Variants in PTPRS observed in about 807,000 individuals in gnomAD.
PTPRS encodes receptor-type tyrosine-protein phosphatase S.
A neutral mutation model predicts 215.3 loss-of-function variants in PTPRS; 63 were observed. The observed-to-expected ratio is 0.29, with a 90% confidence interval of 0.24 to 0.36. The LOEUF (loss-of-function observed/expected upper bound fraction) is 0.36. Among genes scored for constraint, PTPRS ranks in the 10% least tolerant of loss-of-function variants. The probability of loss-of-function intolerance (pLI) is 1.00; values close to 1 mark genes in which losing one functional copy is unlikely to be tolerated. For synonymous variants in PTPRS, 1,404 were observed against 1,191.4 expected (o/e 1.18, Z -3.68); for missense variants, 2,258 against 2,825.8 (o/e 0.80, Z 4.56).
chr19:5,239,024 C>T lies in PTPRS; in HGVS notation c.1744G>A (p.Glu582Lys). The T allele has an allele frequency of 1.2e-6, 2 of 1,613,584 alleles. No homozygotes were observed. Among genetic ancestry groups the T allele is most frequent in the Non-Finnish European group, 1.7e-6 (2 of 1,179,842 alleles). The change falls in exon 13 of 38, where the codon GAG (glutamate) becomes AAG (lysine). Residue 582 changes from glutamate (E) to lysine (K), a missense_variant. Coordinates refer to ENST00000262963, the MANE Select transcript of PTPRS (RefSeq NM_002850.4). ...TACTCCGTGTTGGGCTTCAGGTCCT[C>T]CACCACGTAGGAAGTCGTCGGGTCG... ...TFDPTTSYVV[E>K]DLKPNTEYAF...
intron 26 of PTPRS, 57 bp from the exon 27 acceptor site, chr19:5,215,652 T>C: frequency 1.6e-5 from 9 of 575,738 alleles, no homozygotes; most frequent in African/African-American, 2.1e-5. Flanking sequence ...AGCCGGGGAC[T>C]CGGGGGAGGG....
chr19:5,275,356 C>T (rs759841201), intron 2 of PTPRS, among the ~76,000 whole-genome samples: 18 of 151,448 alleles, frequency 1.2e-4, no homozygotes, highest in Non-Finnish European at 1.9e-4. Context: ...AGGCATGAGC[C>T]GCTGCACCCA....
intron 1 of PTPRS, among the ~76,000 whole-genome samples, chr19:5,331,559 C>T (rs1425262751): frequency 2.6e-5 from 4 of 152,192 alleles, no homozygotes; most frequent in African/African-American, 7.2e-5. Context: ...ATACCAGCAG[C>T]ACCCCCCTGG....
At position 5,294,137 on chromosome 19, in the gene PTPRS, C is replaced by T. The variant is rs1017918253; in HGVS notation, c.-94-7903G>A. Reference sequence around the variant, plus strand: ...GCTCCCATCCCTGGAAAAAACGCCTCTCTTCCCAGCATTCGCGCTGAGGAC... The same window carrying T: ...GCTCCCATCCCTGGAAAAAACGCCTTTCTTCCCAGCATTCGCGCTGAGGAC... On this transcript the variant is annotated intron_variant, in intron 1 of 37. Coordinates refer to ENST00000262963, the MANE Select transcript of PTPRS (RefSeq NM_002850.4). This position sits in a 1 kb window ranked among gnomAD's most constrained non-coding sequence, Gnocchi z 5.1. The T allele has an allele frequency of 7.2e-5, 11 of 152,316 alleles. No homozygotes were observed. The highest frequency in any genetic ancestry group is 2.4e-4 in the African/African-American group (10 of 41,468). 9.4% of individuals were successfully genotyped at this position (152,316 alleles called of 1,614,324 possible).
chr19:5,331,141 A>G (rs1378547150), intron 1 of PTPRS, among the ~76,000 whole-genome samples: 1 of 150,662 alleles, frequency 6.6e-6, no homozygotes, highest in East Asian at 1.9e-4. Context: ...AAAAAAAAAA[A>G]AAAAAAAAAG....
chr19:5,233,438 C>T (rs533487935), intron 13 of PTPRS, among the ~76,000 whole-genome samples: 1 of 151,750 alleles, frequency 6.6e-6, no homozygotes, highest in African/African-American at 2.4e-5. Context: ...CTACTATGTG[C>T]CAGGCACTGT....
At chr19:5,225,362 G>A (rs532674173) in intron 17 of PTPRS, among the ~76,000 whole-genome samples, 3 of 152,278 alleles carry the variant, frequency 2.0e-5, no homozygotes, top group Non-Finnish European at 1.5e-5. Context: ...AGGGCCAGGT[G>A]TACCTTGAGC....
intron 11 of PTPRS, among the ~76,000 whole-genome samples, chr19:5,242,932 T>C (rs1273819513): frequency 6.6e-6 from 1 of 152,130 alleles, no homozygotes; most frequent in Non-Finnish European, 1.5e-5. Flanking sequence ...TAAATCCTCC[T>C]ATCTTGGCCT....
At chr19:5,264,060 C>T (rs1159271252) in intron 5 of PTPRS, among the ~76,000 whole-genome samples, 1 of 152,138 alleles carries the variant, frequency 6.6e-6, no homozygotes, top group African/African-American at 2.4e-5. Flanking sequence ...TGGAACCACC[C>T]GTCTCCAAGG....
chr19:5,248,584 G>C (rs1020529547), intron 9 of PTPRS, among the ~76,000 whole-genome samples: 1 of 152,136 alleles, frequency 6.6e-6, no homozygotes, highest in African/African-American at 2.4e-5. Context: ...AAATCCTTCG[G>C]AACAAACCAA....
intron 22 of PTPRS, among the ~76,000 whole-genome samples, 180 bp downstream of exon 22, chr19:5,219,759 G>A (rs2041812629): frequency 6.6e-6 from 1 of 152,158 alleles, no homozygotes; most frequent in Non-Finnish European, 1.5e-5. Flanking sequence ...CCAGCTCCAA[G>A]GTCTCTTCCT....
intron 9 of PTPRS, among the ~76,000 whole-genome samples, chr19:5,255,587 A>G (rs1256533783): frequency 6.6e-6 from 1 of 151,712 alleles, no homozygotes; most frequent in Admixed American, 6.6e-5. Flanking sequence ...AGAAAAAAAG[A>G]AAAAAGAAAA....
chr19:5,281,368 G>A (rs1180658646), intron 2 of PTPRS, among the ~76,000 whole-genome samples: 1 of 152,156 alleles, frequency 6.6e-6, no homozygotes, highest in East Asian at 1.9e-4. Flanking sequence ...GGCTGAGGCA[G>A]GAGAATTGCT....
At chr19:5,308,699 A>AG (rs1435816496) in intron 1 of PTPRS, among the ~76,000 whole-genome samples, 10 of 152,222 alleles carry the variant, frequency 6.6e-5, no homozygotes, top group Non-Finnish European at 1.3e-4. Context: ...CCTTGGGGGT[A>AG]GGGGAACTGT....
In PTPRS at chr19:5,308,424, C is replaced by A. The variant is rs548976118; in HGVS notation, c.-94-22190G>T. 2.6e-5 allele frequency among the ~76,000 whole-genome samples: 4 copies of A among 152,238 alleles called. No individual in the cohort carries two copies. In the East Asian group the frequency reaches 7.7e-4, roughly 29 times the overall value. On this transcript the variant is annotated intron_variant, in intron 1 of 37. Coordinates refer to ENST00000262963, the MANE Select transcript of PTPRS (RefSeq NM_002850.4). Reference sequence around the variant, plus strand: ...TGTCTGCATCAGTCACTATAGTGTCCCCAGTCCCAGCATGGGGCCAAGCAA... The same window carrying A: ...TGTCTGCATCAGTCACTATAGTGTCACCAGTCCCAGCATGGGGCCAAGCAA...
At chr19:5,229,273 G>A in intron 16 of PTPRS, 43 bp downstream of exon 16, 2 of 1,367,630 alleles carry the variant, frequency 1.5e-6, no homozygotes, top group South Asian at 2.2e-5. Context: ...ACGGCCCGCG[G>A]GAAGCGCACA....
At position 5,240,239 on chromosome 19, in the gene PTPRS, TTGA is replaced by T. The variant is rs2043912702; in HGVS notation, c.1661_1663del (p.Ile554del). 2.5e-6 allele frequency: 4 copies of T among 1,571,830 alleles called. No homozygotes were observed. Among genetic ancestry groups the T allele is most frequent in the Non-Finnish European group, 2.6e-6 (3 of 1,159,432 alleles). On this transcript the variant is annotated inframe_deletion, in exon 12 of 38. Transcript: ENST00000262963. ...GCCTTCCCGGAAGAGGAGCTCGTAC[TTGA>T]TGATACTCTCCTGCCGCGGGGGGCT... is the stretch of plus-strand genomic sequence containing the variant.
intron 2 of PTPRS, among the ~76,000 whole-genome samples, chr19:5,280,838 C>A (rs960795796): frequency 2.0e-5 from 3 of 151,552 alleles, no homozygotes; most frequent in African/African-American, 7.3e-5. Context: ...GTTGCCCAGG[C>A]TGGAATGCAG....
At chr19:5,317,792 C>A (rs529415160) in intron 1 of PTPRS, among the ~76,000 whole-genome samples, 1 of 152,278 alleles carries the variant, frequency 6.6e-6, no homozygotes, top group East Asian at 1.9e-4. Flanking sequence ...GTAATCCCAG[C>A]ACTGAGGCTG....
Sources: allele counts gnomAD v4.1 joint callset (sites outside exome capture counted in the v4.1 genomes callset), GRCh38; gene constraint gnomAD v4.1.1; non-coding constraint Gnocchi (gnomAD v3.1); transcripts MANE v1.5; gene names NCBI Gene and HGNC (gene_info 2026-07-23, HGNC 2026-07-21).